ADAR: variants seen among roughly 807,000 people sequenced by gnomAD.
ADAR encodes double-stranded RNA-specific adenosine deaminase.
Under a neutral mutation model 113.2 loss-of-function variants are expected in ADAR, and 41 were observed. That is an observed-to-expected ratio of 0.36 (90% CI 0.28 to 0.47). The LOEUF (loss-of-function observed/expected upper bound fraction) is 0.47. Ranked by LOEUF, ADAR falls within the 20% of genes least tolerant of loss-of-function variation. The pLI is 1.00. For missense variants in ADAR, 1,242 were observed against 1,540.9 expected (o/e 0.81, Z 3.25); for synonymous variants, 605 against 572.6 (o/e 1.06, Z -0.81).
chr1:154,601,010 C>T lies in ADAR; in HGVS notation c.1601+31G>A, dbSNP rs2101637349. The T allele has an allele frequency of 2.5e-6, 4 of 1,613,614 alleles. No homozygotes were observed. The highest frequency in any genetic ancestry group is 2.2e-5 in the South Asian group (2 of 91,052). ...CAGGAGCAAAAGCACCTGACCCCAACCCTAGGTACAGTTCCTGGGTGGTCT... is the reference window on the plus strand; with the variant it reads ...CAGGAGCAAAAGCACCTGACCCCAATCCTAGGTACAGTTCCTGGGTGGTCT... On this transcript the variant is annotated intron_variant, in intron 2 of 14. Transcript: ENST00000368474. The surrounding 1 kb of genome is among the most constrained non-coding windows in gnomAD (Gnocchi z 4.7).
Position 154,601,339 on chromosome 1 carries a change from G to A in ADAR, c.1303C>T (p.Pro435Ser), listed in dbSNP as rs778372365. The A allele has an allele frequency of 6.2e-7, 1 of 1,614,220 alleles. No individual in the cohort carries two copies. Among genetic ancestry groups the A allele is most frequent in the Non-Finnish European group, 8.5e-7 (1 of 1,180,032 alleles). ...ARPEPARLKP[P>S]VHYNGPSKAG... ...TTTGAGGGGCCATTGTAATGAACAG[G>A]TGGTTTCAGTCTTGCTGGTTCTGGT... Residue 435 changes from proline (P) to serine (S), a missense_variant, in exon 2 of 15, where the codon CCT (proline) becomes TCT (serine). Coordinates refer to ENST00000368474, the MANE Select transcript of ADAR (RefSeq NM_001111.5). This position sits in a 1 kb window ranked among gnomAD's most constrained non-coding sequence, Gnocchi z 4.7.
chr1:154,603,636 C>A (rs1364577463), intron 1 of ADAR, among the ~76,000 whole-genome samples: 1 of 152,212 alleles, frequency 6.6e-6, no homozygotes, highest in East Asian at 1.9e-4. Flanking sequence ...CCTTTCCCCA[C>A]CCACCCACCT....
chr1:154,586,377 T>C lies in ADAR; in HGVS notation c.3020-14A>G, dbSNP rs1696764265. 2 of 1,613,490 alleles carry C rather than the reference T, an allele frequency of 1.2e-6. No individual in the cohort carries two copies. The highest frequency in any genetic ancestry group is 1.7e-6 in the Non-Finnish European group (2 of 1,179,924). ...TTGTGCCTTCTCCTGTGTGAGAGAC[T>C]TGGGTCAGACCCACAGGCGCCAATG... is the stretch of plus-strand genomic sequence containing the variant. On this transcript the variant is annotated splice_polypyrimidine_tract_variant and intron_variant, in intron 11 of 14. Transcript: ENST00000368474.
At chr1:154,613,632 C>T (rs1199384697) in intron 1 of ADAR, among the ~76,000 whole-genome samples, 1 of 151,968 alleles carries the variant, frequency 6.6e-6, no homozygotes, top group East Asian at 1.9e-4. Context: ...TGGCCAGGCG[C>T]GGTGGCTCAT....
chr1:154,590,062 T>C lies in ADAR; in HGVS notation c.2496+122A>G, dbSNP rs1571066148. The C allele has an allele frequency of 2.7e-6, 4 of 1,484,340 alleles. No homozygotes were observed. The East Asian group carries it at 9.2e-5, about 34-fold the overall frequency. 91.9% of individuals were successfully genotyped at this position (1,484,340 alleles called of 1,614,324 possible). ...TTCTTACATCTAGTGTCCCAGTTAC[T>C]GCTCTCTCGAGGCTAAGAGTAAAGC... is the stretch of plus-strand genomic sequence containing the variant. On this transcript the variant is annotated intron_variant, in intron 7 of 14. Transcript: ENST00000368474.
intron 11 of ADAR, among the ~76,000 whole-genome samples, 199 bp downstream of exon 11, chr1:154,587,926 A>C (rs909262633): frequency 3.9e-5 from 6 of 152,210 alleles, no homozygotes; most frequent in African/African-American, 1.4e-4. Flanking sequence ...GGGATCTCCC[A>C]GATCTCCCAA....
At chr1:154,606,958 A>ATATATC (rs1553214985) in intron 1 of ADAR, among the ~76,000 whole-genome samples, 1 of 151,100 alleles carries the variant, frequency 6.6e-6, no homozygotes, top group African/African-American at 2.4e-5. Context: ...ATATATATAT[A>ATATATC]TCTTAACAAA....
upstream of ADAR, chr1:154,627,971 T>C (rs748744994): frequency 2.0e-6 from 1 of 499,876 alleles, no homozygotes; most frequent in South Asian, 1.4e-5. Context: ...CGGGAATCAA[T>C]GGTCTGGTCG....
intron 1 of ADAR, among the ~76,000 whole-genome samples, chr1:154,617,897 A>G (rs1698679252): frequency 6.6e-6 from 1 of 151,944 alleles, no homozygotes; most frequent in African/African-American, 2.4e-5. Context: ...AAAAAGAAAA[A>G]TAGATTATTT....
Position 154,598,561 on chromosome 1 carries a change from A to G in ADAR, c.1626T>C (p.Asn542=), listed in dbSNP as rs1305480769. 8.7e-6 allele frequency: 14 copies of G among 1,614,244 alleles called. No homozygotes were observed. In the East Asian group the frequency reaches 2.9e-4, roughly 33 times the overall value. The change falls in exon 3 of 15, where the codon AAT becomes AAC. Residue 542 remains asparagine (N), a synonymous_variant. Transcript: ENST00000368474. The part of the protein sequence containing the change: ...EPRFKFQVVI[N]GREFPPAEAG... The stretch of plus-strand genomic sequence containing the variant: ...CTTCAGCTGGGGGAAACTCTCGGCC[A>G]TTGATGACAACCTGGAATTTAAATC...
chr1:154,601,472 G>C lies in ADAR; in HGVS notation c.1170C>G (p.Leu390=). The C allele has an allele frequency of 6.2e-7, 1 of 1,614,208 alleles. No individual in the cohort carries two copies. Among genetic ancestry groups the C allele is most frequent in the Non-Finnish European group, 8.5e-7 (1 of 1,180,048 alleles). The part of the protein sequence containing the change: ...IPETKRNAEF[L]TCNIPTSNAS... ...CATTTGATGTGGGTATATTACAGGT[G>C]AGGAACTCTGCGTTTCTTTTGGTCT... The change falls in exon 2 of 15, where the codon CTC becomes CTG. Residue 390 remains leucine (L), a synonymous_variant. Coordinates refer to ENST00000368474, the MANE Select transcript of ADAR (RefSeq NM_001111.5). The surrounding 1 kb of genome is among the most constrained non-coding windows in gnomAD (Gnocchi z 4.7).
rs552717110 is a variant in ADAR at position 154,622,977 on chromosome 1, TAAAC to T, written c.-871+4874_-871+4877del. Among the ~76,000 whole-genome samples, 46 of 152,220 alleles carry T rather than the reference TAAAC, an allele frequency of 3.0e-4. 2 individuals carry two copies. The Middle Eastern group carries it at 0.014, about 45-fold the overall frequency. ...TCAATGAGGAGAGACAGGCAATAAA[TAAAC>T]AAATAAATATACAATGTCAGTTATG... On this transcript the variant is annotated intron_variant, in intron 1 of 14. Coordinates refer to the ADAR transcript ENST00000368471.
At position 154,582,079 on chromosome 1, in the gene ADAR, T is replaced by G. The variant is rs983539839; in HGVS notation, c.*2727A>C. 12 of 148,430 alleles carry G rather than the reference T, an allele frequency of 8.1e-5. No individual in the cohort carries two copies. Among genetic ancestry groups the G allele is most frequent in the South Asian group, 6.4e-4 (3 of 4,678 alleles). 9.2% of individuals were successfully genotyped at this position (148,430 alleles called of 1,614,324 possible). A position where few individuals can be genotyped will look rare whatever the true frequency, so the allele number is the denominator to read the frequency against. On this transcript the variant is annotated 3_prime_UTR_variant, in exon 15 of 15. Transcript: ENST00000368474. ...AACTTTCTAAGAATTCAGATTCTTG[T>G]TTTTTTTTTATTTATGAGGAATGTA...
chr1:154,591,928 G>A (rs1314840124), intron 6 of ADAR, among the ~76,000 whole-genome samples: 2 of 152,210 alleles, frequency 1.3e-5, no homozygotes, highest in Admixed American at 6.5e-5. Context: ...GCGGTCAGGA[G>A]GGACAGATTG....
At chr1:154,596,319 T>C (rs1293914118) in intron 6 of ADAR, among the ~76,000 whole-genome samples, 1 of 151,020 alleles carries the variant, frequency 6.6e-6, no homozygotes, top group African/African-American at 2.4e-5. Flanking sequence ...CTCAGCTCAC[T>C]GCAACCTCCG....
At position 154,583,001 on chromosome 1, in the gene ADAR, A is replaced by G. The variant is rs1178115911; in HGVS notation, c.*1805T>C. On this transcript the variant is annotated 3_prime_UTR_variant, in exon 15 of 15. Transcript: ENST00000368474. ...TCTTACTTTGGTCAATTTTTGGTCA[A>G]AAGTACAGAGAGCATAGAATAAAAG... 4 of 152,258 alleles carry G rather than the reference A, an allele frequency of 2.6e-5. No individual in the cohort carries two copies. Among genetic ancestry groups the G allele is most frequent in the Non-Finnish European group, 5.9e-5 (4 of 68,056 alleles). The allele number at this position is 152,258 out of a possible 1,614,324, so 9.4% of individuals were successfully genotyped here. A position where few individuals can be genotyped will look rare whatever the true frequency, so the allele number is the denominator to read the frequency against.
In ADAR at chr1:154,585,347, A is replaced by AG. The variant is rs1277945267; in HGVS notation, c.3316-4dup. ...TCATATATGCTGACTCTGCCAACCTAGGAATCCCAGAAGCAACGGGAGAAA... is the reference window on the plus strand; with the variant it reads ...TCATATATGCTGACTCTGCCAACCTAGGGAATCCCAGAAGCAACGGGAGAAA... On this transcript the variant is annotated splice_polypyrimidine_tract_variant and splice_region_variant and intron_variant, in intron 13 of 14. Coordinates refer to ENST00000368474, the MANE Select transcript of ADAR (RefSeq NM_001111.5). The AG allele has an allele frequency of 6.2e-7, 1 of 1,614,084 alleles. No individual in the cohort carries two copies. The highest frequency in any genetic ancestry group is 1.7e-5 in the Admixed American group (1 of 60,024).
upstream of ADAR, chr1:154,608,828 A>AGGGGGGGGGGGGGG (rs1268448679): frequency 1.3e-5 from 1 of 75,464 alleles, no homozygotes; most frequent in African/African-American, 4.8e-5. Flanking sequence ...TCCAATGTGG[A>AGGGGGGGGGGGGGG]GGGGGGGGGG....
chr1:154,627,585 C>G (rs1370539233), intron 1 of ADAR, among the ~76,000 whole-genome samples: 1 of 152,200 alleles, frequency 6.6e-6, no homozygotes, highest in Non-Finnish European at 1.5e-5. Context: ...AGCATCCGTG[C>G]GCAGCCTCTG....
Sources: allele counts gnomAD v4.1 joint callset (sites outside exome capture counted in the v4.1 genomes callset), GRCh38; gene constraint gnomAD v4.1.1; non-coding constraint Gnocchi (gnomAD v3.1); transcripts MANE v1.5; gene names NCBI Gene and HGNC (gene_info 2026-07-23, HGNC 2026-07-21).